The following NAV2 variants were observed in gnomAD, a reference collection of about 807,000 sequenced individuals.
The protein encoded by NAV2 is helicase, APC down-regulated 1.
Under a neutral mutation model 223.2 loss-of-function variants are expected in NAV2, and 54 were observed. That is an observed-to-expected ratio of 0.24 (90% CI 0.19 to 0.30). The LOEUF (loss-of-function observed/expected upper bound fraction) is 0.30, where lower values mean the gene tolerates loss of function less well. Among genes scored for constraint, NAV2 ranks in the 10% least tolerant of loss-of-function variants. The probability of loss-of-function intolerance (pLI) is 1.00; values close to 1 mark genes in which losing one functional copy is unlikely to be tolerated. For missense variants in NAV2, 2,806 were observed against 3,147.5 expected (o/e 0.89, Z 2.60); for synonymous variants, 1,279 against 1,239.3 (o/e 1.03, Z -0.67).
chr11:19,816,613 G>C lies in NAV2; in HGVS notation c.268-15871G>C, dbSNP rs1308484289. Among the ~76,000 whole-genome samples, 5 of 152,204 alleles carry C rather than the reference G, an allele frequency of 3.3e-5. No individual in the cohort carries two copies. In the East Asian group the frequency reaches 9.6e-4, roughly 29 times the overall value. Reference sequence around the variant, plus strand: ...AAGAAGCTGCATTTGAAGAGTTTAAGTGACTTGCCTGGACTTGGATACATT... The same window carrying C: ...AAGAAGCTGCATTTGAAGAGTTTAACTGACTTGCCTGGACTTGGATACATT... On this transcript the variant is annotated intron_variant, in intron 1 of 37. Coordinates refer to ENST00000349880, the MANE Select transcript of NAV2 (RefSeq NM_145117.5).
chr11:19,735,406 GC>G (rs2052190187), intron 1 of NAV2, among the ~76,000 whole-genome samples: 1 of 152,164 alleles, frequency 6.6e-6, no homozygotes, highest in African/African-American at 2.4e-5. Flanking sequence ...TTCCTTTTCA[GC>G]CCCCAAAGAT....
intron 1 of NAV2, among the ~76,000 whole-genome samples, chr11:19,682,473 T>C (rs997742953): frequency 6.6e-6 from 1 of 152,296 alleles, no homozygotes; most frequent in African/African-American, 2.4e-5. Context: ...ATAGCCCCAT[T>C]AACCTCTGCG....
Position 20,022,696 on chromosome 11 carries a change from A to G in NAV2, c.2769-13263A>G. 4.0e-6 allele frequency: 4 copies of G among 1,011,628 alleles called. No homozygotes were observed. The South Asian group carries it at 1.8e-4, about 46-fold the overall frequency. The allele number at this position is 1,011,628 out of a possible 1,614,324, so 62.7% of individuals were successfully genotyped here. A position where few individuals can be genotyped will look rare whatever the true frequency, so the allele number is the denominator to read the frequency against. On this transcript the variant is annotated intron_variant, in intron 11 of 37. Transcript: ENST00000349880. ...CAATGTTTCTGTGCAGTCTGTGAGG[A>G]TTTAAAGTAGTTTTTCATTCTTAGA...
At chr11:19,378,493 T>C (rs1848718865) in intron 1 of NAV2, among the ~76,000 whole-genome samples, 1 of 151,958 alleles carries the variant, frequency 6.6e-6, no homozygotes, top group Admixed American at 6.6e-5. Context: ...ATAGATGCCA[T>C]GCACGGAATC....
intron 1 of NAV2, among the ~76,000 whole-genome samples, chr11:19,423,831 C>T (rs1161022668): frequency 6.6e-6 from 1 of 152,170 alleles, no homozygotes. Context: ...AGACTTCTGA[C>T]AGGTTTAGCC....
chr11:19,692,654 T>G (rs1414179088), intron 1 of NAV2, among the ~76,000 whole-genome samples: 2 of 152,268 alleles, frequency 1.3e-5, no homozygotes, highest in Non-Finnish European at 2.9e-5. Context: ...TGTCCTTAAT[T>G]GCCTCCACAG....
rs906358582 is a variant in NAV2, at chr11:20,054,278, C to T, written c.4642+38C>T. On this transcript the variant is annotated intron_variant, in intron 18 of 37. Transcript: ENST00000349880. The stretch of plus-strand genomic sequence containing the variant: ...TTGTCATTACCTATGTTGATCAGCT[C>T]CACAGGGCAGTGGTTATCTTATATA... 4 of 1,564,920 alleles carry T rather than the reference C, an allele frequency of 2.6e-6. No individual in the cohort carries two copies. The African/African-American group carries it at 5.5e-5, about 22-fold the overall frequency.
At chr11:19,579,319 G>T (rs2045650794) in intron 1 of NAV2, among the ~76,000 whole-genome samples, 4 of 152,158 alleles carry the variant, frequency 2.6e-5, no homozygotes, top group South Asian at 2.1e-4. Context: ...ATGGTTCCTG[G>T]CAAATATTAA....
chr11:19,348,878 A>T (rs142308827), upstream of NAV2, among the ~76,000 whole-genome samples: 1 of 152,162 alleles, frequency 6.6e-6, no homozygotes, highest in African/African-American at 2.4e-5. Flanking sequence ...TTTTAGTTTG[A>T]GGTTTCAATT....
At chr11:19,570,601 A>G (rs550093098) in intron 1 of NAV2, among the ~76,000 whole-genome samples, 36 of 152,350 alleles carry the variant, frequency 2.4e-4, no homozygotes, top group African/African-American at 8.4e-4. Flanking sequence ...TAAAATAAAT[A>G]AACCAATTAA....
intron 4 of NAV2, among the ~76,000 whole-genome samples, chr11:19,876,086 C>T (rs1414516371): frequency 2.0e-5 from 3 of 151,980 alleles, no homozygotes; most frequent in African/African-American, 4.8e-5. Context: ...AGTGCAGTGT[C>T]GTGATCTCGG....
At chr11:20,067,440 A>G (rs1490590328) in intron 20 of NAV2, among the ~76,000 whole-genome samples, 2 of 152,162 alleles carry the variant, frequency 1.3e-5, no homozygotes, top group African/African-American at 4.8e-5. Flanking sequence ...AATTTTTTTT[A>G]GTATAAATAT....
chr11:19,567,585 A>G (rs2045306997), intron 1 of NAV2, among the ~76,000 whole-genome samples: 1 of 152,076 alleles, frequency 6.6e-6, no homozygotes, highest in Non-Finnish European at 1.5e-5. Context: ...GAGCTTAACC[A>G]TTGCACTGTA....
chr11:19,421,897 G>C (rs1366381496), intron 1 of NAV2, among the ~76,000 whole-genome samples: 1 of 150,782 alleles, frequency 6.6e-6, no homozygotes, highest in Non-Finnish European at 1.5e-5. Flanking sequence ...TCAAAGCCAG[G>C]CCAGCCTGGA....
chr11:19,691,403 T>C (rs1294053762), intron 1 of NAV2, among the ~76,000 whole-genome samples: 1 of 152,226 alleles, frequency 6.6e-6, no homozygotes, highest in South Asian at 2.1e-4. Flanking sequence ...ATCTTCTAAA[T>C]ACCATGTGCA....
chr11:19,367,585 T>C (rs1848331894), intron 1 of NAV2, among the ~76,000 whole-genome samples: 1 of 152,168 alleles, frequency 6.6e-6, no homozygotes. Flanking sequence ...ACTGGCTCTC[T>C]AGATCCTCCC....
intron 1 of NAV2, among the ~76,000 whole-genome samples, chr11:19,364,969 G>A (rs1056749435): frequency 1.3e-5 from 2 of 152,140 alleles, no homozygotes; most frequent in African/African-American, 4.8e-5. Context: ...GAAGATCTCT[G>A]GGAAAAATTT....
intron 1 of NAV2, among the ~76,000 whole-genome samples, chr11:19,394,147 A>T (rs190887931): frequency 9.2e-5 from 14 of 152,290 alleles, no homozygotes; most frequent in Non-Finnish European, 1.5e-5. Flanking sequence ...CATGGATTGC[A>T]TCATAGCCAG....
At chr11:19,688,504 A>T (rs2152252829) in intron 1 of NAV2, among the ~76,000 whole-genome samples, 1 of 152,370 alleles carries the variant, frequency 6.6e-6, no homozygotes, top group East Asian at 1.9e-4. Context: ...TTACATTTTA[A>T]GAAAAAATAT....
Sources: allele counts gnomAD v4.1 joint callset (sites outside exome capture counted in the v4.1 genomes callset), GRCh38; gene constraint gnomAD v4.1.1; transcripts MANE v1.5; gene names NCBI Gene and HGNC (gene_info 2026-07-23, HGNC 2026-07-21).